NAV1: variants seen among roughly 807,000 people sequenced by gnomAD.
The protein encoded by NAV1 is pore membrane and/or filament interacting like protein 3.
Under a neutral mutation model 175.2 loss-of-function variants are expected in NAV1, and 18 were observed. The ratio of observed to expected loss-of-function variants is 0.10; its 90% CI spans 0.07 to 0.15. NAV1 has a LOEUF of 0.15. NAV1 is among the 10% of genes least tolerant of loss of function. NAV1 has a pLI of 1.00. For synonymous variants in NAV1, 897 were observed against 978.7 expected, an observed-to-expected ratio of 0.92 and a Z score of 1.56; for missense variants, 1,731 against 2,436.6, an observed-to-expected ratio of 0.71 and a Z score of 6.10.
At position 201,718,475 on chromosome 1, in the gene NAV1, T is replaced by C; in HGVS notation, c.946T>C (p.Trp316Arg). ...CTCCAACCGCTCGTCCCCTCTGTCA[T>C]GGCGCTATGGCCAGTCCAGTCCGCG... Residue 316 changes from tryptophan to arginine, a missense_variant, in exon 3 of 30, where the codon TGG becomes CGG. This residue lies in a region of NAV1 where 487 missense variants were observed against 581.3 expected (regional missense o/e 0.84). Transcript: ENST00000367296. The surrounding 1 kb of genome is among the most constrained non-coding windows in gnomAD (Gnocchi z 4.8). 1 of 1,593,030 alleles carries C rather than the reference T, an allele frequency of 6.3e-7. No individual in the cohort carries two copies. Among genetic ancestry groups the C allele is most frequent in the Non-Finnish European group, 8.6e-7 (1 of 1,164,578 alleles).
chr1:201,785,440 C>A (rs1188458052), intron 8 of NAV1, 89 bp downstream of exon 12: 6 of 1,378,082 alleles, frequency 4.4e-6, no homozygotes, highest in South Asian at 2.5e-5. Context: ...AGGCTCCAGT[C>A]ATGAATTTAG....
At chr1:201,558,463 T>C (rs1666100832) in intron 1 of NAV1, among the ~76,000 whole-genome samples, 1 of 152,128 alleles carries the variant, frequency 6.6e-6, no homozygotes. Context: ...TTTTTGTTTG[T>C]TTGTTTTGAG....
chr1:201,549,079 CTT>C (rs1491221813), intron 1 of NAV1, among the ~76,000 whole-genome samples: 1 of 25,316 alleles, frequency 4.0e-5, no homozygotes, highest in Non-Finnish European at 1.1e-4. Flanking sequence ...CTAGTTTTCT[CTT>C]TCTTTCTTTC....
chr1:201,785,297 T>A lies in NAV1; in HGVS notation c.2805-13T>A, dbSNP rs774251140. 4 of 1,598,006 alleles carry A rather than the reference T, an allele frequency of 2.5e-6. No homozygotes were observed. Among genetic ancestry groups the A allele is most frequent in the African/African-American group, 1.4e-5 (1 of 72,948 alleles). ...CTCTCTCTCTCTTTTTTTTTTTTTT[T>A]TTATCTCCACAGTAATCAGCGGGAT... On this transcript the variant is annotated splice_polypyrimidine_tract_variant and intron_variant, in intron 7 of 29. Transcript: ENST00000367296.
intron 2 of NAV1, among the ~76,000 whole-genome samples, chr1:201,593,854 C>T (rs1667278164): frequency 6.6e-6 from 1 of 152,134 alleles, no homozygotes; most frequent in Non-Finnish European, 1.5e-5. Flanking sequence ...GTTGCAGCTG[C>T]AGGGAGGATG....
At chr1:201,708,249 T>G (rs919634949) in intron 1 of NAV1, among the ~76,000 whole-genome samples, 19 of 128,492 alleles carry the variant, frequency 1.5e-4, no homozygotes, top group Non-Finnish European at 2.6e-4. Context: ...ATGGCTGGGT[T>G]GGGAGAGACT....
intron 1 of NAV1, among the ~76,000 whole-genome samples, chr1:201,547,730 A>G (rs1665711617): frequency 1.3e-5 from 2 of 152,218 alleles, no homozygotes; most frequent in African/African-American, 2.4e-5. Context: ...AAGAGATTAT[A>G]TTTGTAAAAA....
intron 2 of NAV1, among the ~76,000 whole-genome samples, chr1:201,714,271 C>A (rs1571901951): frequency 1.3e-5 from 2 of 152,364 alleles, no homozygotes; most frequent in East Asian, 3.9e-4. Context: ...TGATGTGGAA[C>A]TGCACTTAGT....
chr1:201,669,111 C>T (rs1216899893), intron 1 of NAV1, among the ~76,000 whole-genome samples: 1 of 152,206 alleles, frequency 6.6e-6, no homozygotes, highest in African/African-American at 2.4e-5. Flanking sequence ...GGATCCTCAA[C>T]ACCTGTCGGG....
chr1:201,566,675 AT>A lies in NAV1; in HGVS notation c.-143-21860del, dbSNP rs989797629. On this transcript the variant is annotated intron_variant, in intron 1 of 33. Transcript: ENST00000685211. ...ATCCATGGTTCCTTTTTCTCCCTAA[AT>A]TTTAACTAGTGTTGTTTTTTTCTTC... Among the ~76,000 whole-genome samples, 46 of 152,068 alleles carry A rather than the reference AT, an allele frequency of 3.0e-4. 1 individual carries two copies. Among genetic ancestry groups the A allele is most frequent in the Admixed American group, 6.6e-4 (10 of 15,266 alleles).
chr1:201,571,751 A>G (rs1666550675), intron 1 of NAV1, among the ~76,000 whole-genome samples: 1 of 152,186 alleles, frequency 6.6e-6, no homozygotes, highest in African/African-American at 2.4e-5. Flanking sequence ...GGTTCTGTTT[A>G]TCCCATTATT....
chr1:201,742,139 AC>A lies in NAV1; in HGVS notation c.1226+23385del, dbSNP rs1165976420. 2.0e-5 allele frequency among the ~76,000 whole-genome samples: 3 copies of A among 152,314 alleles called. No individual in the cohort carries two copies. In the South Asian group the frequency reaches 6.2e-4, roughly 32 times the overall value. ...TGCCACACTTCACATATAAAATTTA[AC>A]TAGCCTGGCTCCAATTCACAGAGGG... On this transcript the variant is annotated intron_variant, in intron 3 of 29. Coordinates refer to ENST00000367296, the Ensembl canonical transcript of NAV1.
At chr1:201,821,142 A>G (rs1022361) in exon 30 of NAV1, 51,616 of 152,454 alleles carry the variant, frequency 0.34, 9,213 homozygotes, top group African/African-American at 0.46. Flanking sequence ...AGTTACTCCG[A>G]GCTTTATCAT....
chr1:201,714,300 G>A (rs61821707), intron 2 of NAV1, among the ~76,000 whole-genome samples: 31,452 of 152,158 alleles, frequency 0.21, 4,154 homozygotes, highest in African/African-American at 0.37. Flanking sequence ...GCTTTCAGCC[G>A]TTGGCTGTAG....
At chr1:201,648,209 G>A (rs1029042228), upstream of NAV1, 12 of 1,001,424 alleles carry the variant, frequency 1.2e-5, no homozygotes, top group African/African-American at 1.9e-4. Flanking sequence ...CTGGCTGGCT[G>A]GCTGAGTGCG....
chr1:201,680,662 T>C (rs1670431016), intron 1 of NAV1, among the ~76,000 whole-genome samples: 1 of 152,104 alleles, frequency 6.6e-6, no homozygotes, highest in Admixed American at 6.5e-5. Context: ...ACCTCCAACA[T>C]TGGGGATCAC....
intron 2 of NAV1, 83 bp downstream of exon 6, chr1:201,713,002 C>T: frequency 1.0e-6 from 1 of 985,836 alleles, no homozygotes; most frequent in Non-Finnish European, 1.6e-6. Flanking sequence ...CCCCGGGTCC[C>T]TCCACACCTC....
At chr1:201,610,599 C>T (rs541543605) in intron 2 of NAV1, among the ~76,000 whole-genome samples, 3 of 152,290 alleles carry the variant, frequency 2.0e-5, no homozygotes, top group South Asian at 2.1e-4. Flanking sequence ...TGCCTCTGTC[C>T]GCAGGCACAG....
At chr1:201,777,220 A>G (rs1420341629) in intron 3 of NAV1, among the ~76,000 whole-genome samples, 2 of 152,240 alleles carry the variant, frequency 1.3e-5, no homozygotes, top group Non-Finnish European at 2.9e-5. Context: ...CTGAGATTCC[A>G]GTTTAAGTCA....
Sources: allele counts gnomAD v4.1 joint callset (sites outside exome capture counted in the v4.1 genomes callset), GRCh38; gene constraint gnomAD v4.1.1; regional missense constraint gnomAD v4.1.1; non-coding constraint Gnocchi (gnomAD v3.1); transcripts MANE v1.5; gene names NCBI Gene and HGNC (gene_info 2026-07-23, HGNC 2026-07-21).